CTNNA3: variants seen among roughly 807,000 people sequenced by gnomAD.
The protein encoded by CTNNA3 is catenin alpha 3, also known as catenin alpha-3.
Under a neutral mutation model 95.7 loss-of-function variants are expected in CTNNA3, and 76 were observed. That is an observed-to-expected ratio of 0.79 (90% CI 0.66 to 0.96). The LOEUF (loss-of-function observed/expected upper bound fraction) is 0.96, where lower values mean the gene tolerates loss of function less well. CTNNA3 is among the 40% of genes least tolerant of loss of function. The pLI is 0.00. For synonymous variants in CTNNA3, 431 were observed against 374.4 expected, an observed-to-expected ratio of 1.15 and a Z score of -1.74; for missense variants, 1,191 against 1,089.8, an observed-to-expected ratio of 1.09 and a Z score of -1.31.
chr10:66,754,649 A>C (rs1839293710), intron 9 of CTNNA3, among the ~76,000 whole-genome samples: 1 of 152,170 alleles, frequency 6.6e-6, no homozygotes, highest in Non-Finnish European at 1.5e-5. Context: ...AATTCATAAA[A>C]ATGGGCAAAG....
intron 11 of CTNNA3, among the ~76,000 whole-genome samples, chr10:66,444,077 A>T (rs1754752034): frequency 6.6e-6 from 1 of 152,242 alleles, no homozygotes; most frequent in Admixed American, 6.5e-5. Flanking sequence ...GGTATCAGTG[A>T]TGCAAGATGA....
intron 15 of CTNNA3, among the ~76,000 whole-genome samples, chr10:66,037,640 G>A (rs895544316): frequency 2.0e-5 from 3 of 149,684 alleles, no homozygotes; most frequent in African/African-American, 7.4e-5. Flanking sequence ...ACCATGATAT[G>A]ATACATTCTC....
chr10:66,459,641 T>C (rs1199389400), intron 11 of CTNNA3, among the ~76,000 whole-genome samples: 1 of 152,214 alleles, frequency 6.6e-6, no homozygotes, highest in African/African-American at 2.4e-5. Flanking sequence ...GCAAACATCA[T>C]AGTGTGTACT....
At chr10:67,605,819 T>C (rs1420962052) in intron 3 of CTNNA3, among the ~76,000 whole-genome samples, 1 of 152,058 alleles carries the variant, frequency 6.6e-6, no homozygotes, top group Non-Finnish European at 1.5e-5. Flanking sequence ...TACAGGCGCC[T>C]GCCACCACAC....
At position 65,913,990 on chromosome 10, in the gene CTNNA3, G is replaced by A. The variant is rs2076976820; in HGVS notation, c.*6340C>T. On this transcript the variant is annotated 3_prime_UTR_variant, in exon 18 of 18. Transcript: ENST00000433211. ...CAACTATTCAAAGGGGGCTTTAAAT[G>A]TATAAGGAAGTGTCACAGACCTCCA... 6.6e-6 allele frequency: 1 copy of A among 152,152 alleles called. No individual in the cohort carries two copies. The highest frequency in any genetic ancestry group is 1.5e-5 in the Non-Finnish European group (1 of 68,012). 9.4% of individuals were successfully genotyped at this position (152,152 alleles called of 1,614,324 possible).
chr10:66,269,795 G>T (rs2091237206), intron 13 of CTNNA3, among the ~76,000 whole-genome samples: 2 of 152,032 alleles, frequency 1.3e-5, no homozygotes, highest in Non-Finnish European at 2.9e-5. Flanking sequence ...GTCTCATCCG[G>T]GCTGTTCTAC....
intron 11 of CTNNA3, among the ~76,000 whole-genome samples, chr10:66,404,397 G>A (rs79984919): frequency 2.0e-3 from 303 of 152,252 alleles, no homozygotes; most frequent in African/African-American, 6.4e-3. Flanking sequence ...GTTTGATTTT[G>A]TTTGTGCAGC....
intron 5 of CTNNA3, among the ~76,000 whole-genome samples, chr10:67,328,649 G>A (rs2620924): frequency 0.45 from 68,738 of 152,008 alleles, 17,287 homozygotes; most frequent in Non-Finnish European, 0.54. Flanking sequence ...AATGAGTGTG[G>A]GTATACTGTA....
At chr10:66,200,233 G>C (rs910851940) in intron 13 of CTNNA3, among the ~76,000 whole-genome samples, 2 of 150,652 alleles carry the variant, frequency 1.3e-5, no homozygotes, top group Non-Finnish European at 3.0e-5. Flanking sequence ...GGGAAGGTAA[G>C]GGAAGGGAGG....
intron 5 of CTNNA3, among the ~76,000 whole-genome samples, chr10:67,443,818 A>G (rs1846631398): frequency 6.6e-6 from 1 of 151,942 alleles, no homozygotes; most frequent in African/African-American, 2.4e-5. Flanking sequence ...CCATTTGTCA[A>G]TTTTGGCTTT....
chr10:67,205,746 G>A (rs1863867642), intron 6 of CTNNA3, among the ~76,000 whole-genome samples: 1 of 152,090 alleles, frequency 6.6e-6, no homozygotes, highest in Non-Finnish European at 1.5e-5. Flanking sequence ...TTGTTTCTGA[G>A]GAAAAGGTAA....
intron 15 of CTNNA3, among the ~76,000 whole-genome samples, chr10:66,065,005 T>G (rs2080284005): frequency 6.6e-6 from 1 of 152,168 alleles, no homozygotes; most frequent in African/African-American, 2.4e-5. Flanking sequence ...TTATACTCTG[T>G]TATGGAAATA....
At position 67,606,963 on chromosome 10, in the gene CTNNA3, C is replaced by A. The variant is rs369638097; in HGVS notation, c.186G>T (p.Val62=). 2 of 1,613,646 alleles carry A rather than the reference C, an allele frequency of 1.2e-6. No homozygotes were observed. Among genetic ancestry groups the A allele is most frequent in the African/African-American group, 2.7e-5 (2 of 74,908 alleles). The change falls in exon 3 of 18, where the codon GTG becomes GTT. Residue 62 remains valine (V), a synonymous_variant. Coordinates refer to ENST00000433211, the MANE Select transcript of CTNNA3 (RefSeq NM_013266.4). Reference sequence around the variant, plus strand: ...CTAATAAATTCCAAGTTGCTTCCTCCACAGAAGCTAGAAGGACACTGGCTC... The same window carrying A: ...CTAATAAATTCCAAGTTGCTTCCTCAACAGAAGCTAGAAGGACACTGGCTC... ...SKRASVLLAS[V]EEATWNLLDK... is the part of the protein sequence containing the mutation.
At chr10:66,389,877 T>G (rs954222177) in intron 11 of CTNNA3, among the ~76,000 whole-genome samples, 2 of 152,048 alleles carry the variant, frequency 1.3e-5, no homozygotes, top group African/African-American at 4.8e-5. Flanking sequence ...TAGCTAGAAC[T>G]GCAGGAACTC....
At chr10:66,514,502 G>T (rs1482223684) in intron 11 of CTNNA3, among the ~76,000 whole-genome samples, 1 of 152,098 alleles carries the variant, frequency 6.6e-6, no homozygotes, top group African/African-American at 2.4e-5. Context: ...TCCACAATAA[G>T]GGAATAACAT....
At chr10:67,241,435 C>T (rs1865714862) in intron 5 of CTNNA3, among the ~76,000 whole-genome samples, 1 of 151,534 alleles carries the variant, frequency 6.6e-6, no homozygotes, top group African/African-American at 2.4e-5. Context: ...AAAAAAAAAT[C>T]CATAGGTCAG....
chr10:67,046,976 G>A (rs1262499257), intron 7 of CTNNA3, among the ~76,000 whole-genome samples: 1 of 152,194 alleles, frequency 6.6e-6, no homozygotes, highest in East Asian at 1.9e-4. Context: ...AGAGGGTACA[G>A]AGGGTAGAAA....
At chr10:66,862,421 A>C (rs928952970) in intron 7 of CTNNA3, among the ~76,000 whole-genome samples, 1 of 152,170 alleles carries the variant, frequency 6.6e-6, no homozygotes, top group Non-Finnish European at 1.5e-5. Context: ...GGTATGAATA[A>C]AAATAACATA....
chr10:67,197,069 T>C (rs990038799), intron 6 of CTNNA3, among the ~76,000 whole-genome samples: 2 of 152,134 alleles, frequency 1.3e-5, no homozygotes, highest in Non-Finnish European at 2.9e-5. Context: ...CTAAAGTATA[T>C]GCCCCAATAT....
Sources: gnomAD v4.1 joint callset for allele counts (sites outside exome capture counted in the v4.1 genomes callset) on GRCh38, gnomAD v4.1.1 for gene constraint, MANE v1.5 for transcripts, NCBI Gene and HGNC (gene_info 2026-07-23, HGNC 2026-07-21) for gene names.